The following HHIPL1 variants were observed in gnomAD, a reference collection of about 807,000 sequenced individuals.
HHIPL1 encodes the protein HHIP like 1.
HHIPL1 carries 43 observed loss-of-function variants against 61.8 expected under a neutral mutation model. The observed-to-expected ratio is 0.70, with a 90% CI of 0.55 to 0.90. The LOEUF is 0.90. Among genes scored for constraint, HHIPL1 ranks in the 40% least tolerant of loss-of-function variants. The probability of loss-of-function intolerance (pLI) is 0.00; values close to 1 mark genes in which losing one functional copy is unlikely to be tolerated. For missense variants in HHIPL1, 1,056 were observed against 1,157.7 expected (o/e 0.91, Z 1.28); for synonymous variants, 482 against 515.8 (o/e 0.93, Z 0.89).
rs926048708 is a variant in HHIPL1 at position 99,675,183 on chromosome 14, G to T, written c.1906G>T (p.Ala636Ser). ...AGGGCGCCCCACGGCCGCTCCCCCC[G>T]CGCCAACCCCGCGGCCAGCGCGGCC... ...RRGRPTAAPP[A>S]PTPRPARPTQ... Residue 636 changes from alanine to serine, a missense_variant, in exon 9 of 9, where the codon GCG (alanine) becomes TCG (serine). Physicochemically the swap from Ala to Ser is moderately conservative, Grantham distance 99 (BLOSUM62 1). Transcript: ENST00000330710. This position sits in a 1 kb window ranked among gnomAD's most constrained non-coding sequence, Gnocchi z 5.4. 2.4e-5 allele frequency: 27 copies of T among 1,129,914 alleles called. No individual in the cohort carries two copies. Among genetic ancestry groups the T allele is most frequent in the African/African-American group, 1.3e-4 (8 of 59,660 alleles). The allele number at this position is 1,129,914 out of a possible 1,614,324, so 70.0% of individuals were successfully genotyped here.
At chr14:99,669,880 G>A (rs1038748593) in intron 7 of HHIPL1, among the ~76,000 whole-genome samples, 9 of 152,142 alleles carry the variant, frequency 5.9e-5, no homozygotes, top group Non-Finnish European at 1.0e-4. Flanking sequence ...AGCTATGATC[G>A]CACCACTGCC....
At chr14:99,630,642 G>T in the HHIPL1 span, among the ~76,000 whole-genome samples, 1 of 152,242 alleles carries the variant, frequency 6.6e-6, no homozygotes, top group African/African-American at 2.4e-5. Flanking sequence ...GCCGAAGGCC[G>T]CTGCCAGCAC....
chr14:99,613,839 A>T, the HHIPL1 span, among the ~76,000 whole-genome samples: 1 of 152,084 alleles, frequency 6.6e-6, no homozygotes, highest in Non-Finnish European at 1.5e-5. Flanking sequence ...TGAACCCAGG[A>T]GTGGGAGGTT....
chr14:99,649,660 T>C (rs915111983), intron 1 of HHIPL1, among the ~76,000 whole-genome samples: 3 of 152,138 alleles, frequency 2.0e-5, no homozygotes, highest in Non-Finnish European at 2.9e-5. Context: ...CCGGGTGTGG[T>C]AGAGCACGTC....
chr14:99,657,141 C>A lies in HHIPL1; in HGVS notation c.1044C>A (p.Asn348Lys), dbSNP rs745387092. 4.1e-5 allele frequency: 66 copies of A among 1,612,526 alleles called. No homozygotes were observed. The highest frequency in any genetic ancestry group is 5.4e-5 in the Non-Finnish European group (64 of 1,179,516). The change falls in exon 3 of 9, where the codon AAC becomes AAA. Residue 348 changes from asparagine to lysine, a missense_variant and splice_region_variant. Coordinates refer to ENST00000330710, the MANE Select transcript of HHIPL1 (RefSeq NM_001127258.3). Reference sequence around the variant, plus strand: ...TTGGGACATTTGGAAATGCCCAAAACAAGTATGTTCAGCTTTTGATTGGCT... The same window carrying A: ...TTGGGACATTTGGAAATGCCCAAAAAAAGTATGTTCAGCTTTTGATTGGCT... ...DPFGTFGNAQ[N>K]KSALLGKVLR...
upstream of HHIPL1, chr14:99,644,980 T>G: frequency 1.1e-5 from 4 of 375,810 alleles, no homozygotes; most frequent in Non-Finnish European, 1.9e-5. Context: ...TCCCATCGAA[T>G]TTGGAAAGCG....
chr14:99,651,842 G>C (rs943898233), intron 1 of HHIPL1, among the ~76,000 whole-genome samples: 1 of 152,136 alleles, frequency 6.6e-6, no homozygotes, highest in African/African-American at 2.4e-5. Context: ...AGGGAGGATC[G>C]GAGGTGAGCC....
chr14:99,641,399 CTGGTT>C (rs769303128), upstream of HHIPL1, among the ~76,000 whole-genome samples: 2 of 150,498 alleles, frequency 1.3e-5, no homozygotes, highest in Non-Finnish European at 3.0e-5. Context: ...TCTTGGTTGC[CTGGTT>C]TCTTTCTTTT....
rs1566810055 is a variant in HHIPL1 at position 99,656,862 on chromosome 14, AGGAAGGAAGGAAGG to A, written c.903-137_903-124del. 135 of 72,806 alleles carry A rather than the reference AGGAAGGAAGGAAGG, an allele frequency of 1.9e-3. 26 individuals are homozygous for A. Among genetic ancestry groups the A allele is most frequent in the Admixed American group, 1.9e-3 (10 of 5,310 alleles). The allele number at this position is 72,806 out of a possible 1,614,324, so 4.5% of individuals were successfully genotyped here. ...AAGGAAGGAAGGAAGGAAGGAAGGA[AGGAAGGAAGGAAGG>A]AAGGAAGGAAGGAAGGAAGGTCTTT... On this transcript the variant is annotated intron_variant, in intron 2 of 8. Coordinates refer to ENST00000330710, the MANE Select transcript of HHIPL1 (RefSeq NM_001127258.3).
At chr14:99,610,078 A>G in the HHIPL1 span, among the ~76,000 whole-genome samples, 5 of 152,224 alleles carry the variant, frequency 3.3e-5, no homozygotes, top group African/African-American at 1.2e-4. Flanking sequence ...CTCCCTTTCC[A>G]TGACTTCCCA....
intron 1 of HHIPL1, among the ~76,000 whole-genome samples, chr14:99,647,855 T>G (rs2055866908): frequency 6.6e-6 from 1 of 152,170 alleles, no homozygotes. Context: ...GCTTGTCCAG[T>G]AAGTGCCTGT....
the HHIPL1 span, among the ~76,000 whole-genome samples, chr14:99,633,083 G>A: frequency 6.6e-6 from 1 of 152,080 alleles, no homozygotes; most frequent in Admixed American, 6.5e-5. Context: ...CCAGGGACAG[G>A]AGAGACACAC....
chr14:99,624,489 C>T, the HHIPL1 span, among the ~76,000 whole-genome samples: 2 of 152,306 alleles, frequency 1.3e-5, no homozygotes, highest in African/African-American at 2.4e-5. Context: ...CCCATATGGT[C>T]GGGCATTTAC....
At chr14:99,673,881 G>T (rs1418794569) in intron 8 of HHIPL1, among the ~76,000 whole-genome samples, 2 of 115,130 alleles carry the variant, frequency 1.7e-5, no homozygotes, top group Admixed American at 8.8e-5. Context: ...TGCACGGGGG[G>T]GTGCACCTGG....
chr14:99,652,336 G>T lies in HHIPL1; in HGVS notation c.368G>T (p.Arg123Leu). The change falls in exon 2 of 9, where the codon CGG (arginine) becomes CTG (leucine). Residue 123 changes from arginine (R) to leucine (L), a missense_variant. Coordinates refer to ENST00000330710, the MANE Select transcript of HHIPL1 (RefSeq NM_001127258.3). ...TGCCTGGACATGTGGCATAAGTGCC[G>T]GGGGCTGTTCCGTCACCTGTCAACT... is the stretch of plus-strand genomic sequence containing the variant. ...DYCLDMWHKC[R>L]GLFRHLSTDQ... is the part of the protein sequence containing the mutation. 6.2e-7 allele frequency: 1 copy of T among 1,614,030 alleles called. No individual in the cohort carries two copies. Among genetic ancestry groups the T allele is most frequent in the South Asian group, 1.1e-5 (1 of 91,086 alleles).
At chr14:99,637,256 GAAAGAAA>G in the HHIPL1 span, among the ~76,000 whole-genome samples, 15 of 143,036 alleles carry the variant, frequency 1.0e-4, no homozygotes, top group African/African-American at 3.6e-4. Context: ...AAGAAAGAAA[GAAAGAAA>G]GAAAAAGTGT....
At chr14:99,618,965 AGCTCTGGGCACT>A in the HHIPL1 span, among the ~76,000 whole-genome samples, 1 of 152,198 alleles carries the variant, frequency 6.6e-6, no homozygotes, top group African/African-American at 2.4e-5. Flanking sequence ...GCCTGGGCAC[AGCTCTGGGCACT>A]GGGATGTACT....
chr14:99,659,345 G>A (rs1237654675), intron 3 of HHIPL1, 83 bp from the exon 4 acceptor site: 2 of 1,146,236 alleles, frequency 1.7e-6, no homozygotes, highest in South Asian at 1.9e-5. Context: ...CGGTCAGCCG[G>A]CGCCCCAGCA....
intron 1 of HHIPL1, among the ~76,000 whole-genome samples, chr14:99,651,357 G>A (rs2055927093): frequency 6.6e-6 from 1 of 152,170 alleles, no homozygotes; most frequent in Non-Finnish European, 1.5e-5. Flanking sequence ...TGTATAGGAA[G>A]GATAGTGGCC....
Sources: gnomAD v4.1 joint callset for allele counts (sites outside exome capture counted in the v4.1 genomes callset) on GRCh38, gnomAD v4.1.1 for gene constraint, Gnocchi (gnomAD v3.1) non-coding constraint, MANE v1.5 for transcripts, NCBI Gene and HGNC (gene_info 2026-07-23, HGNC 2026-07-21) for gene names.